NUTM1: variants seen among roughly 807,000 people sequenced by gnomAD.
NUTM1 encodes NUT midline carcinoma family member 1, also known as NUT family member 1.
Under a neutral mutation model 88.7 loss-of-function variants are expected in NUTM1, and 39 were observed. The observed-to-expected ratio is 0.44, with a 90% CI of 0.34 to 0.57. NUTM1 has a LOEUF of 0.57. Among genes scored for constraint, NUTM1 ranks in the 20% least tolerant of loss-of-function variants. The pLI is 0.01. For synonymous variants in NUTM1, 494 were observed against 538.0 expected (o/e 0.92, Z 1.13); for missense variants, 1,350 against 1,414.5 (o/e 0.95, Z 0.73).
intron 1 of NUTM1, among the ~76,000 whole-genome samples, chr15:34,345,678 G>A (rs1255620459): frequency 6.6e-6 from 1 of 152,234 alleles, no homozygotes; most frequent in Non-Finnish European, 1.5e-5. Flanking sequence ...CGGTAAAACT[G>A]TAATGTGTTG....
rs768935022 is a variant in NUTM1 at position 34,354,607 on chromosome 15, A to C, written c.1237A>C (p.Thr413Pro). 10 of 1,614,000 alleles carry C rather than the reference A, an allele frequency of 6.2e-6. No homozygotes were observed. Among genetic ancestry groups the C allele is most frequent in the Non-Finnish European group, 8.5e-6 (10 of 1,180,026 alleles). Residue 413 changes from threonine (T) to proline (P), a missense_variant, in exon 6 of 8, where the codon ACT (threonine) becomes CCT (proline). Physicochemically the swap from Thr to Pro is conservative, Grantham distance 38. Coordinates refer to ENST00000537011, the MANE Select transcript of NUTM1 (RefSeq NM_001284292.2). ...ATGGCTGGTGGGGACTCACTTGGCC[A>C]CTGGGGAGTCAGATGGAAAACAAGA... The part of the protein sequence containing the change: ...MEWLVGTHLA[T>P]GESDGKQEEE...
chr15:34,351,872 T>TAA (rs11407280), intron 4 of NUTM1, among the ~76,000 whole-genome samples: 6,022 of 138,298 alleles, frequency 0.044, 161 homozygotes, highest in South Asian at 0.082. Context: ...TATCTTTGAT[T>TAA]AAAAAAAAAA....
Position 34,345,997 on chromosome 15 carries a change from A to G in NUTM1, c.62A>G (p.Gln21Arg), listed in dbSNP as rs12595504. The G allele has an allele frequency of 0.13, 213,736 of 1,613,798 alleles. 15,451 individuals carry two copies. The highest frequency in any genetic ancestry group is 0.31 in the East Asian group (13,751 of 44,866). Reference sequence around the variant, plus strand: ...ATTCTGGAGGCTTCCAGACAGCCACAGTTAGTGCCCAAACCTGAGAGGATG... The same window carrying G: ...ATTCTGGAGGCTTCCAGACAGCCACGGTTAGTGCCCAAACCTGAGAGGATG... Reference protein sequence around the residue: ...CLILEASRQPQLVPKPERMAS... With the variant: ...CLILEASRQPRLVPKPERMAS... The change falls in exon 2 of 8, where the codon CAG becomes CGG. Residue 21 changes from glutamine (Q) to arginine (R), a missense_variant. Physicochemically the swap from Gln to Arg is conservative, Grantham distance 43. Around this residue, in one of 5 missense-constraint regions of NUTM1, gnomAD observed 399 missense variants for 397.9 expected, o/e 1.00. Transcript: ENST00000537011.
At chr15:34,353,318 A>C (rs1423281529) in intron 4 of NUTM1, among the ~76,000 whole-genome samples, 1 of 151,766 alleles carries the variant, frequency 6.6e-6, no homozygotes, top group Non-Finnish European at 1.5e-5. Flanking sequence ...CCTCAGCCCC[A>C]CAATAGCTGT....
chr15:34,351,051 T>C (rs1261297274), intron 4 of NUTM1, among the ~76,000 whole-genome samples: 1 of 149,328 alleles, frequency 6.7e-6, no homozygotes, highest in Non-Finnish European at 1.5e-5. Flanking sequence ...AAACCCTGTC[T>C]CTACTAAAAA....
At chr15:34,344,435 G>A (rs1457398558) in intron 1 of NUTM1, among the ~76,000 whole-genome samples, 3 of 149,860 alleles carry the variant, frequency 2.0e-5, no homozygotes, top group East Asian at 2.0e-4. Flanking sequence ...CCCAGGAGGC[G>A]GAGGTTGCAG....
chr15:34,343,405 TACAC>T lies in NUTM1; in HGVS notation c.-289_-286del. ...ATAGAAGCCTGTCTTTGTCTCAAGA[TACAC>T]ACCCATTTCAGGAGCAGTGAGTTTT... On this transcript the variant is annotated 5_prime_UTR_variant, in exon 1 of 8. It removes the in-frame stop codon of an upstream open reading frame in the 5' UTR. Transcript: ENST00000537011. 1 of 620,432 alleles carries T rather than the reference TACAC, an allele frequency of 1.6e-6. No individual in the cohort carries two copies. 38.4% of individuals were successfully genotyped at this position (620,432 alleles called of 1,614,324 possible).
rs187356362 is a variant in NUTM1 at position 34,349,021 on chromosome 15, C to T, written c.809+344C>T. On this transcript the variant is annotated intron_variant, in intron 3 of 7. Coordinates refer to ENST00000537011, the MANE Select transcript of NUTM1 (RefSeq NM_001284292.2). The stretch of plus-strand genomic sequence containing the variant: ...ACTCTAAGTGCCAGGGTCCTCCCCC[C>T]GTTCTATTTTACTACCTTTTGACAT... Among the ~76,000 whole-genome samples, 9 of 152,268 alleles carry T rather than the reference C, an allele frequency of 5.9e-5. No homozygotes were observed. The East Asian group carries it at 9.7e-4, about 16-fold the overall frequency.
Position 34,348,673 on chromosome 15 carries a change from CTTATG to C in NUTM1, c.807_809+2del, listed in dbSNP as rs1445304707. On this transcript the variant is annotated splice_donor_variant and coding_sequence_variant, in exon 3 of 8. Transcript: ENST00000537011. LOFTEE classifies it high-confidence loss of function. ...TGACACAGAAGCTCTTTCCTGTTTT[CTTATG>C]TAAGTGGGGAGACCGGAGATTAATT... 6.3e-7 allele frequency: 1 copy of C among 1,595,274 alleles called. No homozygotes were observed. The highest frequency in any genetic ancestry group is 1.1e-5 in the South Asian group (1 of 90,874).
chr15:34,356,327 C>T lies in NUTM1; in HGVS notation c.2319C>T (p.Ser773=), dbSNP rs148705949. Residue 773 remains serine, a synonymous_variant, in exon 8 of 8, where the codon AGC becomes AGT. Transcript: ENST00000537011. ...LPVQIEEVIE[S]FQVEKCVTEY... ...TACAAATAGAGGAGGTCATAGAGAG[C>T]TTCCAAGTTGAGAAGTGTGTAACTG... is the stretch of plus-strand genomic sequence containing the variant. The T allele has an allele frequency of 2.5e-6, 4 of 1,613,792 alleles. No homozygotes were observed. Among genetic ancestry groups the T allele is most frequent in the Non-Finnish European group, 3.4e-6 (4 of 1,179,972 alleles).
At chr15:34,343,818 C>T (rs1890531076) in intron 1 of NUTM1, 116 bp downstream of exon 1, 2 of 831,460 alleles carry the variant, frequency 2.4e-6, no homozygotes, top group Admixed American at 2.7e-5. Context: ...AAATGAGAAC[C>T]AAAATATCAT....
chr15:34,350,973 C>CT (rs1307044567), intron 4 of NUTM1, 141 bp downstream of exon 4: 3 of 1,037,460 alleles, frequency 2.9e-6, no homozygotes, highest in Non-Finnish European at 4.2e-6. Context: ...AATCCCACCA[C>CT]TTTGGGAGGC....
intron 1 of NUTM1, among the ~76,000 whole-genome samples, chr15:34,344,156 A>G (rs1339997872): frequency 1.3e-5 from 2 of 151,102 alleles, no homozygotes; most frequent in Non-Finnish European, 2.9e-5. Context: ...GGGGAGGCAG[A>G]GGTTGCAGCG....
Position 34,343,346 on chromosome 15 carries a change from G to T in NUTM1, c.-351G>T, listed in dbSNP as rs986028549. On this transcript the variant is annotated 5_prime_UTR_variant, in exon 1 of 8. Transcript: ENST00000537011. ...TGTGCTAGGTACACGGCGTTAGAGG[G>T]GGGTAGGGATGGATGTGGATAGAAT... The T allele has an allele frequency of 4.9e-6, 3 of 613,806 alleles. No homozygotes were observed. Among genetic ancestry groups the T allele is most frequent in the Admixed American group, 2.7e-5 (1 of 36,368 alleles). 38.0% of individuals were successfully genotyped at this position (613,806 alleles called of 1,614,324 possible). A position where few individuals can be genotyped will look rare whatever the true frequency, so the allele number is the denominator to read the frequency against.
chr15:34,355,189 C>A lies in NUTM1; in HGVS notation c.1479+52C>A. 1 of 1,208,062 alleles carries A rather than the reference C, an allele frequency of 8.3e-7. No homozygotes were observed. The highest frequency in any genetic ancestry group is 1.2e-5 in the South Asian group (1 of 82,408). The allele number at this position is 1,208,062 out of a possible 1,614,324, so 74.8% of individuals were successfully genotyped here. A position where few individuals can be genotyped will look rare whatever the true frequency, so the allele number is the denominator to read the frequency against. On this transcript the variant is annotated intron_variant, in intron 7 of 7. Transcript: ENST00000537011. The surrounding 1 kb of genome is among the most constrained non-coding windows in gnomAD (Gnocchi z 4.3). ...GAACGAGAAGCTTGCAAGATTTTAT[C>A]TAACCCTACACTGTCGTGGGTGATA...
intron 2 of NUTM1, among the ~76,000 whole-genome samples, chr15:34,347,714 G>A (rs1224162902): frequency 6.6e-6 from 1 of 152,094 alleles, no homozygotes; most frequent in Admixed American, 6.5e-5. Context: ...TTAGCCGGGC[G>A]TGGTGGTGGG....
intron 1 of NUTM1, among the ~76,000 whole-genome samples, chr15:34,344,502 CAAAA>C (rs780145688): frequency 2.6e-3 from 227 of 85,738 alleles, no homozygotes; most frequent in Admixed American, 6.3e-3. Context: ...GATCCTGTCT[CAAAA>C]AAAAAAAAAA....
Position 34,343,654 on chromosome 15 carries a change from G to A in NUTM1, c.-43G>A. 1 of 1,535,002 alleles carries A rather than the reference G, an allele frequency of 6.5e-7. No homozygotes were observed. Among genetic ancestry groups the A allele is most frequent in the Non-Finnish European group, 8.7e-7 (1 of 1,146,280 alleles). On this transcript the variant is annotated 5_prime_UTR_variant, in exon 1 of 8. Coordinates refer to ENST00000537011, the MANE Select transcript of NUTM1 (RefSeq NM_001284292.2). ...AAGCATGTTTCAGCGGTCGAACCAA[G>A]ATTTAAAGTTAGGTCCCTACCGCAA...
At position 34,350,947 on chromosome 15, in the gene NUTM1, A is replaced by C. The variant is rs1195341316; in HGVS notation, c.938+115A>C. The C allele has an allele frequency of 3.0e-6, 4 of 1,342,394 alleles. No individual in the cohort carries two copies. The African/African-American group carries it at 5.8e-5, about 20-fold the overall frequency. The allele number at this position is 1,342,394 out of a possible 1,614,324, so 83.2% of individuals were successfully genotyped here. A position where few individuals can be genotyped will look rare whatever the true frequency, so the allele number is the denominator to read the frequency against. On this transcript the variant is annotated intron_variant, in intron 4 of 7. Transcript: ENST00000537011. ...CAAAAGCCATGTTAGGATGGGGCGCAGCGGCTCACGCCTGTAATCCCACCA... is the reference window on the plus strand; with the variant it reads ...CAAAAGCCATGTTAGGATGGGGCGCCGCGGCTCACGCCTGTAATCCCACCA...
Sources: gnomAD v4.1 joint callset for allele counts (sites outside exome capture counted in the v4.1 genomes callset) on GRCh38, gnomAD v4.1.1 for gene constraint, gnomAD v4.1.1 regional missense constraint, Gnocchi (gnomAD v3.1) non-coding constraint, MANE v1.5 for transcripts, NCBI Gene and HGNC (gene_info 2026-07-23, HGNC 2026-07-21) for gene names.